PHACTR1: variants seen among roughly 807,000 people sequenced by gnomAD.
PHACTR1 encodes the protein RPEL repeat containing 1.
PHACTR1 carries 16 observed loss-of-function variants against 69.2 expected under a neutral mutation model. That is an observed-to-expected ratio of 0.23 (90% confidence interval 0.16 to 0.35). The LOEUF (loss-of-function observed/expected upper bound fraction) is 0.35, where lower values mean the gene tolerates loss of function less well. PHACTR1 is among the 10% of genes least tolerant of loss of function. The pLI, the probability that PHACTR1 is intolerant of heterozygous loss-of-function variation, is 1.00. For missense variants in PHACTR1, 510 were observed against 734.7 expected, an observed-to-expected ratio of 0.69 and a Z score of 3.54; for synonymous variants, 312 against 284.5, an observed-to-expected ratio of 1.10 and a Z score of -0.97.
At chr6:13,279,624 T>C (rs1007101041) in intron 12 of PHACTR1, 1 of 152,316 alleles carries the variant, frequency 6.6e-6, no homozygotes, top group African/African-American at 2.4e-5. Flanking sequence ...GCCAACCCAA[T>C]TAGCAAGAGC....
chr6:13,235,305 C>T (rs1321281512), intron 10 of PHACTR1, among the ~76,000 whole-genome samples: 1 of 152,196 alleles, frequency 6.6e-6, no homozygotes, highest in African/African-American at 2.4e-5. Flanking sequence ...GGATCTTAGC[C>T]ATCAGATCTA....
intron 5 of PHACTR1, among the ~76,000 whole-genome samples, chr6:13,127,179 G>A (rs1819663580): frequency 6.6e-6 from 1 of 152,146 alleles, no homozygotes; most frequent in Admixed American, 6.5e-5. Flanking sequence ...AGATTTCTCT[G>A]GGCCTCGATC....
intron 6 of PHACTR1, among the ~76,000 whole-genome samples, chr6:13,169,175 G>A (rs2113621614): frequency 6.6e-6 from 1 of 152,266 alleles, no homozygotes; most frequent in East Asian, 1.9e-4. Context: ...AGGAAAGGGA[G>A]TAGGCAGTGC....
intron 4 of PHACTR1, among the ~76,000 whole-genome samples, chr6:12,796,803 C>T (rs1773055729): frequency 1.3e-5 from 2 of 152,130 alleles, no homozygotes; most frequent in Admixed American, 6.6e-5. Context: ...CTATCTTTTC[C>T]CATTAATTTC....
At chr6:13,263,797 T>C (rs1281489189) in intron 10 of PHACTR1, among the ~76,000 whole-genome samples, 1 of 152,204 alleles carries the variant, frequency 6.6e-6, no homozygotes, top group Non-Finnish European at 1.5e-5. Context: ...AGGAGGCATC[T>C]TGACTTTGAT....
At chr6:12,810,733 T>C (rs1417409948) in intron 4 of PHACTR1, among the ~76,000 whole-genome samples, 3 of 152,226 alleles carry the variant, frequency 2.0e-5, no homozygotes, top group Non-Finnish European at 2.9e-5. Flanking sequence ...CTCATGCATC[T>C]TCTTCCTCCT....
At chr6:13,039,393 A>T (rs954182829) in intron 4 of PHACTR1, among the ~76,000 whole-genome samples, 2 of 152,164 alleles carry the variant, frequency 1.3e-5, no homozygotes, top group Admixed American at 6.5e-5. Context: ...GGAAATGTGG[A>T]TTGATAAGAG....
intron 7 of PHACTR1, among the ~76,000 whole-genome samples, chr6:13,188,809 G>A (rs1383842683): frequency 6.6e-6 from 1 of 152,196 alleles, no homozygotes; most frequent in African/African-American, 2.4e-5. Flanking sequence ...CCATGCAACA[G>A]CATGCGATAC....
intron 4 of PHACTR1, among the ~76,000 whole-genome samples, chr6:12,968,375 T>G (rs1390206161): frequency 5.9e-5 from 9 of 152,202 alleles, no homozygotes; most frequent in Admixed American, 5.9e-4. Context: ...TTCTTTAATT[T>G]TTTTTCATGG....
At chr6:12,885,359 C>T (rs1029978436) in intron 4 of PHACTR1, among the ~76,000 whole-genome samples, 5 of 152,196 alleles carry the variant, frequency 3.3e-5, no homozygotes, top group African/African-American at 9.7e-5. Flanking sequence ...AATTTATTAA[C>T]GTGGGTTTTC....
At chr6:12,838,513 T>C (rs941608223) in intron 4 of PHACTR1, among the ~76,000 whole-genome samples, 8 of 152,204 alleles carry the variant, frequency 5.3e-5, no homozygotes, top group African/African-American at 1.9e-4. Flanking sequence ...AGAAGAAAAT[T>C]CATGCTGGAA....
At chr6:12,940,010 A>G (rs987470752) in intron 4 of PHACTR1, among the ~76,000 whole-genome samples, 2 of 152,228 alleles carry the variant, frequency 1.3e-5, no homozygotes, top group African/African-American at 4.8e-5. Context: ...GCAAGAAAGG[A>G]AACACTTTTG....
intron 4 of PHACTR1, among the ~76,000 whole-genome samples, chr6:12,985,046 A>G (rs1265382445): frequency 6.6e-6 from 1 of 152,264 alleles, no homozygotes; most frequent in Non-Finnish European, 1.5e-5. Context: ...AAACCACAAT[A>G]TTCCACTAGT....
chr6:13,125,516 T>G (rs753753310), intron 5 of PHACTR1, among the ~76,000 whole-genome samples: 8 of 151,978 alleles, frequency 5.3e-5, no homozygotes, highest in Non-Finnish European at 1.0e-4. Context: ...CTCCTATGAC[T>G]TTATCTTCTG....
intron 5 of PHACTR1, among the ~76,000 whole-genome samples, chr6:13,081,772 G>A (rs1811412788): frequency 6.6e-6 from 1 of 152,162 alleles, no homozygotes; most frequent in African/African-American, 2.4e-5. Context: ...GACTGCAGTA[G>A]GCTATGATTG....
At chr6:12,807,888 C>T (rs140537438) in intron 4 of PHACTR1, among the ~76,000 whole-genome samples, 2 of 152,188 alleles carry the variant, frequency 1.3e-5, no homozygotes, top group African/African-American at 4.8e-5. Context: ...CACTGTGTCT[C>T]GTAAAATGTC....
intron 4 of PHACTR1, among the ~76,000 whole-genome samples, chr6:12,995,763 C>T (rs1159683733): frequency 4.6e-5 from 7 of 151,746 alleles, no homozygotes; most frequent in African/African-American, 1.5e-4. Flanking sequence ...ATTAAAATTA[C>T]GAGGGAAAAC....
At chr6:13,204,099 G>A (rs1179181172) in intron 7 of PHACTR1, among the ~76,000 whole-genome samples, 1 of 152,134 alleles carries the variant, frequency 6.6e-6, no homozygotes, top group African/African-American at 2.4e-5. Flanking sequence ...ATTTCCAACT[G>A]GGGGAACCAG....
intron 10 of PHACTR1, 170 bp downstream of exon 10, chr6:13,230,363 C>T (rs1160412741): frequency 1.4e-6 from 2 of 1,422,902 alleles, no homozygotes; most frequent in Non-Finnish European, 1.9e-6. Flanking sequence ...ACCAGCCTGG[C>T]CAACATGGTG....
Sources: allele counts gnomAD v4.1 joint callset (sites outside exome capture counted in the v4.1 genomes callset), GRCh38; gene constraint gnomAD v4.1.1; transcripts MANE v1.5; gene names NCBI Gene and HGNC (gene_info 2026-07-23, HGNC 2026-07-21).